The following AR variants were observed in gnomAD, a reference collection of about 807,000 sequenced individuals.
The protein encoded by AR is androgen receptor.
In AR, 8 loss-of-function variants were observed where a neutral mutation model predicts 53.9. The ratio of observed to expected loss-of-function variants is 0.15; its 90% CI spans 0.09 to 0.27. AR has a LOEUF of 0.27. Among genes scored for constraint, AR ranks in the 10% least tolerant of loss-of-function variants. The pLI, the probability that AR is intolerant of heterozygous loss-of-function variation, is 1.00. For synonymous variants in AR, 359 were observed against 316.4 expected (o/e 1.13, Z -1.43); for missense variants, 639 against 742.5 (o/e 0.86, Z 1.62).
Position 67,643,286 on chromosome X carries a change from C to T in AR, c.1647C>T (p.Pro549=), listed in dbSNP as rs1925882630. The change falls in exon 2 of 8, where the codon CCC becomes CCT. Residue 549 remains proline, a synonymous_variant. Transcript: ENST00000374690. ...AGACTGCCAGGGACCATGTTTTGCC[C>T]ATTGACTATTACTTTCCACCCCAGA... ...RLETARDHVL[P]IDYYFPPQKT... 1 of 1,211,414 alleles carries T rather than the reference C, an allele frequency of 8.3e-7. No homozygotes were observed. The highest frequency in any genetic ancestry group is 1.1e-6 in the Non-Finnish European group (1 of 895,312).
Position 67,642,421 on chromosome X carries a change from A to T in AR, c.1617-835A>T, listed in dbSNP as rs528167381. On this transcript the variant is annotated intron_variant, in intron 1 of 7. Coordinates refer to ENST00000374690, the MANE Select transcript of AR (RefSeq NM_000044.6). Reference sequence around the variant, plus strand: ...CTTCTCCTTCATATCCACCTGAAAGAGCTTGGGCGCAGAAGTTCTTGCAGA... The same window carrying T: ...CTTCTCCTTCATATCCACCTGAAAGTGCTTGGGCGCAGAAGTTCTTGCAGA... Among the ~76,000 whole-genome samples the T allele has an allele frequency of 8.1e-5, 9 of 111,745 alleles. No homozygotes were observed. In the South Asian group the frequency reaches 2.6e-3, roughly 33 times the overall value.
chrX:67,556,404 C>T (rs764151030), intron 1 of AR, among the ~76,000 whole-genome samples: 2 of 111,828 alleles, frequency 1.8e-5, no homozygotes, highest in Admixed American at 1.9e-4. Context: ...TTTCTTAAGG[C>T]TTCTAGGTTT....
At chrX:67,704,072 G>A (rs890284617) in intron 3 of AR, among the ~76,000 whole-genome samples, 1 of 111,591 alleles carries the variant, frequency 9.0e-6, no homozygotes, top group African/African-American at 3.3e-5. Flanking sequence ...TGGTTCCAAG[G>A]CTTTGCTATT....
chrX:67,661,505 C>T (rs1256066688), intron 2 of AR, among the ~76,000 whole-genome samples: 5 of 111,643 alleles, frequency 4.5e-5, no homozygotes, highest in Admixed American at 9.5e-5. Context: ...TGTTTATATG[C>T]TGGATTATGT....
intron 3 of AR, among the ~76,000 whole-genome samples, chrX:67,710,575 C>G (rs772970125): frequency 9.0e-6 from 1 of 111,245 alleles, no homozygotes. Context: ...TCAAGCACTC[C>G]TCCCATCTCA....
rs770597408 is a variant in AR at position 67,569,039 on chromosome X, T to C, written c.1616+22277T>C. 13 of 1,208,535 alleles carry C rather than the reference T, an allele frequency of 1.1e-5. No homozygotes were observed. The East Asian group carries it at 2.1e-4, about 19-fold the overall frequency. ...GCTTCACAGGTGGGAGGTTCTTCAA[T>C]TGAAAACTTAGAACTCAGTTTCTAG... On this transcript the variant is annotated intron_variant, in intron 1 of 7. Coordinates refer to ENST00000374690, the MANE Select transcript of AR (RefSeq NM_000044.6).
intron 1 of AR, among the ~76,000 whole-genome samples, chrX:67,627,633 G>T (rs1464727810): frequency 4.6e-4 from 51 of 111,476 alleles, no homozygotes; most frequent in Non-Finnish European, 6.6e-4. Context: ...CTCTTTAGTT[G>T]AATTAGATCC....
chrX:67,652,528 A>T (rs1855967015), intron 2 of AR, among the ~76,000 whole-genome samples: 2 of 112,380 alleles, frequency 1.8e-5, no homozygotes, highest in Admixed American at 1.9e-4. Context: ...GCTCAGAGAG[A>T]GGAAATTACT....
intron 1 of AR, among the ~76,000 whole-genome samples, chrX:67,571,049 G>A (rs940625912): frequency 9.0e-6 from 1 of 110,958 alleles, no homozygotes; most frequent in Non-Finnish European, 1.9e-5. Flanking sequence ...ACCATATAAG[G>A]AAGGCAGTAA....
intron 6 of AR, 45 bp from the exon 7 acceptor site, chrX:67,722,782 C>T (rs758581194): frequency 2.5e-6 from 3 of 1,197,008 alleles, no homozygotes; most frequent in African/African-American, 1.8e-5. Flanking sequence ...AATGCTCCTT[C>T]GTGGGCATGC....
At chrX:67,695,519 C>T in intron 3 of AR, 1 of 753,776 alleles carries the variant, frequency 1.3e-6, no homozygotes, top group Non-Finnish European at 1.6e-6. Context: ...TCATTCTTCT[C>T]CCAAGCCAGA....
chrX:67,589,361 T>G (rs1922720860), intron 1 of AR, among the ~76,000 whole-genome samples: 2 of 112,638 alleles, frequency 1.8e-5, no homozygotes, highest in South Asian at 7.3e-4. Flanking sequence ...AAGTTACCTG[T>G]TTTCATTTCC....
chrX:67,695,327 A>C lies in AR; in HGVS notation c.1885+9201A>C, dbSNP rs1300334037. 3 of 752,407 alleles carry C rather than the reference A, an allele frequency of 4.0e-6. No individual in the cohort carries two copies. In the African/African-American group the frequency reaches 7.0e-5, roughly 17 times the overall value. The allele number at this position is 752,407 out of a possible 1,213,427, so 62.0% of individuals were successfully genotyped here. ...GAGCTGAAGGTAGTAGCTGATCCAC[A>C]GAAGTTCAGTAAACAAGGACCAGAT... On this transcript the variant is annotated intron_variant, in intron 3 of 7. Transcript: ENST00000374690.
intron 1 of AR, among the ~76,000 whole-genome samples, chrX:67,642,481 GT>G (rs891169678): frequency 9.0e-6 from 1 of 111,473 alleles, no homozygotes; most frequent in Non-Finnish European, 1.9e-5. Flanking sequence ...TGAAGCTCCA[GT>G]GGCCAAGTAT....
chrX:67,596,260 T>G (rs764586389), intron 1 of AR, among the ~76,000 whole-genome samples: 9 of 109,581 alleles, frequency 8.2e-5, no homozygotes, highest in Non-Finnish European at 1.3e-4. Context: ...TTTTTATAAA[T>G]TACCCAGTCT....
chrX:67,596,142 G>A (rs1395080254), intron 1 of AR, among the ~76,000 whole-genome samples: 1 of 110,563 alleles, frequency 9.0e-6, no homozygotes. Flanking sequence ...TTCACCTTCT[G>A]CCATAATTTT....
chrX:67,653,194 C>T (rs1926428697), intron 2 of AR, among the ~76,000 whole-genome samples: 1 of 112,053 alleles, frequency 8.9e-6, no homozygotes, highest in South Asian at 3.7e-4. Flanking sequence ...GCATTAGATG[C>T]TTTGTAGTCA....
At chrX:67,599,814 T>C (rs188370117) in intron 1 of AR, among the ~76,000 whole-genome samples, 1 of 112,389 alleles carries the variant, frequency 8.9e-6, no homozygotes, top group East Asian at 2.8e-4. Flanking sequence ...TATTTTTAAA[T>C]CCAAACTTAC....
intron 1 of AR, 141 bp from the exon 2 acceptor site, chrX:67,643,115 A>G (rs1426716490): frequency 1.3e-6 from 1 of 747,617 alleles, no homozygotes; most frequent in Admixed American, 2.6e-5. Context: ...AGTCTCAGAA[A>G]ATTCAGCTTC....
Sources: allele counts gnomAD v4.1 joint callset (sites outside exome capture counted in the v4.1 genomes callset), GRCh38; gene constraint gnomAD v4.1.1; transcripts MANE v1.5; gene names NCBI Gene and HGNC (gene_info 2026-07-23, HGNC 2026-07-21).